The following IMPG2 variants were observed in gnomAD, a reference collection of about 807,000 sequenced individuals.
The protein encoded by IMPG2 is interphotoreceptor matrix proteoglycan 2.
In IMPG2, 91 loss-of-function variants were observed where a neutral mutation model predicts 129.2. That is an observed-to-expected ratio of 0.70 (90% CI 0.59 to 0.84). The LOEUF is 0.84. IMPG2 is among the 40% of genes least tolerant of loss of function. The pLI, the probability that IMPG2 is intolerant of heterozygous loss-of-function variation, is 0.00. For missense variants in IMPG2, 1,430 were observed against 1,461.7 expected (o/e 0.98, Z 0.35); for synonymous variants, 510 against 517.7 (o/e 0.99, Z 0.20).
chr3:101,255,840 C>T (rs1350491516), intron 10 of IMPG2, among the ~76,000 whole-genome samples: 1 of 151,674 alleles, frequency 6.6e-6, no homozygotes, highest in Non-Finnish European at 1.5e-5. Flanking sequence ...ATAACTGCTC[C>T]AAAATATAAA....
chr3:101,292,777 C>T (rs767743697), intron 3 of IMPG2, among the ~76,000 whole-genome samples: 16 of 152,152 alleles, frequency 1.1e-4, no homozygotes, highest in Non-Finnish European at 1.6e-4. Flanking sequence ...CCTGTCACTT[C>T]TTTATCAACT....
At chr3:101,258,418 A>C (rs1000886948) in intron 9 of IMPG2, among the ~76,000 whole-genome samples, 1 of 152,004 alleles carries the variant, frequency 6.6e-6, no homozygotes, top group African/African-American at 2.4e-5. Flanking sequence ...TTATGAAGTA[A>C]TTTTTTTCTT....
chr3:101,246,842 GTCTATAA>G (rs1368139155), intron 11 of IMPG2, among the ~76,000 whole-genome samples: 1 of 152,124 alleles, frequency 6.6e-6, no homozygotes, highest in Non-Finnish European at 1.5e-5. Flanking sequence ...AGTGGCTCAG[GTCTATAA>G]TCCCAGCACT....
chr3:101,304,385 T>C, intron 2 of IMPG2, 73 bp from the exon 3 acceptor site: 1 of 1,346,524 alleles, frequency 7.4e-7, no homozygotes, highest in Non-Finnish European at 1.1e-6. Context: ...CATAGACTGA[T>C]TCGTACAGAT....
intron 2 of IMPG2, 64 bp from the exon 3 acceptor site, chr3:101,304,376 A>G (rs763244980): frequency 1.5e-4 from 215 of 1,425,218 alleles, no homozygotes; most frequent in Non-Finnish European, 2.0e-4. Context: ...TACAATGATC[A>G]TAGACTGATT....
At chr3:101,229,327 CA>C in intron 17 of IMPG2, 52 bp downstream of exon 17, 1 of 1,373,354 alleles carries the variant, frequency 7.3e-7, no homozygotes, top group Non-Finnish European at 1.0e-6. Flanking sequence ...CCTGCTCCCC[CA>C]CACACACACC....
At chr3:101,309,156 T>C (rs1478709554) in intron 2 of IMPG2, among the ~76,000 whole-genome samples, 1 of 152,198 alleles carries the variant, frequency 6.6e-6, no homozygotes, top group African/African-American at 2.4e-5. Flanking sequence ...TCTAGGAAGT[T>C]CTGAACTTTC....
intron 8 of IMPG2, among the ~76,000 whole-genome samples, 191 bp from the exon 9 acceptor site, chr3:101,267,722 C>T (rs1391593121): frequency 6.6e-6 from 1 of 152,154 alleles, no homozygotes; most frequent in Non-Finnish European, 1.5e-5. Flanking sequence ...TATTTTAAAA[C>T]CATGGTCTTT....
At chr3:101,255,942 T>A (rs574721684) in intron 10 of IMPG2, among the ~76,000 whole-genome samples, 1 of 151,486 alleles carries the variant, frequency 6.6e-6, no homozygotes, top group African/African-American at 2.4e-5. Flanking sequence ...GTAATTCATA[T>A]AAAGCCCAGA....
At chr3:101,309,784 A>C (rs1707241149) in intron 2 of IMPG2, among the ~76,000 whole-genome samples, 1 of 152,228 alleles carries the variant, frequency 6.6e-6, no homozygotes, top group Non-Finnish European at 1.5e-5. Flanking sequence ...ATTCATAATA[A>C]CTTAAAAATG....
chr3:101,252,775 G>A (rs749577204), intron 11 of IMPG2, among the ~76,000 whole-genome samples: 4 of 152,132 alleles, frequency 2.6e-5, no homozygotes, highest in Non-Finnish European at 5.9e-5. Flanking sequence ...TGGCTGCAGA[G>A]ATTAATGGTT....
intron 2 of IMPG2, among the ~76,000 whole-genome samples, chr3:101,313,314 G>A (rs563801366): frequency 1.3e-5 from 2 of 152,196 alleles, no homozygotes; most frequent in South Asian, 4.1e-4. Flanking sequence ...AGAGAGAAGA[G>A]CAAAATCAGC....
intron 5 of IMPG2, 56 bp from the exon 6 acceptor site, chr3:101,275,801 T>C: frequency 3.9e-6 from 5 of 1,285,948 alleles, no homozygotes; most frequent in African/African-American, 1.5e-5. Flanking sequence ...AAGTCAGAAT[T>C]CCTATCAGGA....
At position 101,231,631 on chromosome 3, in the gene IMPG2, C is replaced by T. The variant is rs143229514; in HGVS notation, c.3234-486G>A. Among the ~76,000 whole-genome samples the T allele has an allele frequency of 2.1e-3, 313 of 152,344 alleles. 1 individual carries two copies. Among genetic ancestry groups the T allele is most frequent in the African/African-American group, 7.2e-3 (301 of 41,586 alleles). ...ATTAATTTCTCTGGACATGAAGGGACTGTTTTTCTCCTTATAAACTTTATC... is the reference window on the plus strand; with the variant it reads ...ATTAATTTCTCTGGACATGAAGGGATTGTTTTTCTCCTTATAAACTTTATC... On this transcript the variant is annotated intron_variant, in intron 15 of 18. Coordinates refer to ENST00000193391, the MANE Select transcript of IMPG2 (RefSeq NM_016247.4).
intron 7 of IMPG2, 93 bp from the exon 8 acceptor site, chr3:101,269,666 T>G (rs894121624): frequency 3.9e-6 from 3 of 778,930 alleles, no homozygotes; most frequent in Middle Eastern, 3.3e-4. Flanking sequence ...AAAAGTGAAC[T>G]GTTCACAACT....
At chr3:101,299,530 T>G (rs1178859888) in intron 3 of IMPG2, among the ~76,000 whole-genome samples, 2 of 152,260 alleles carry the variant, frequency 1.3e-5, no homozygotes, top group Non-Finnish European at 2.9e-5. Context: ...TTTCTAAGTT[T>G]GTCTAGTATC....
intron 4 of IMPG2, among the ~76,000 whole-genome samples, chr3:101,280,939 A>G (rs955088814): frequency 2.0e-5 from 3 of 148,492 alleles, no homozygotes; most frequent in Non-Finnish European, 3.0e-5. Context: ...ACAGAGCGAG[A>G]CTGTTGCAAA....
chr3:101,271,642 A>G (rs1706783937), intron 7 of IMPG2, among the ~76,000 whole-genome samples: 1 of 152,134 alleles, frequency 6.6e-6, no homozygotes, highest in Non-Finnish European at 1.5e-5. Context: ...TCTCTCTAAC[A>G]CTGAAGCCCA....
chr3:101,233,915 G>A (rs985721537), intron 14 of IMPG2, among the ~76,000 whole-genome samples: 3 of 151,972 alleles, frequency 2.0e-5, no homozygotes, highest in Admixed American at 1.3e-4. Flanking sequence ...CCAGAATAAT[G>A]GAAGGATCTA....
Sources: allele counts gnomAD v4.1 joint callset (sites outside exome capture counted in the v4.1 genomes callset), GRCh38; gene constraint gnomAD v4.1.1; transcripts MANE v1.5; gene names NCBI Gene and HGNC (gene_info 2026-07-23, HGNC 2026-07-21).